Variants in ECT2L observed in about 807,000 individuals in gnomAD.
ECT2L encodes epithelial cell-transforming sequence 2 oncogene-like.
Under a neutral mutation model 122.8 loss-of-function variants are expected in ECT2L, and 126 were observed. The observed-to-expected ratio is 1.03, with a 90% confidence interval of 0.89 to 1.19. The LOEUF (loss-of-function observed/expected upper bound fraction) is 1.19. Ranked by LOEUF, ECT2L falls within the 50% of genes most tolerant of loss-of-function variation. The pLI is 0.00. For missense variants in ECT2L, 1,012 were observed against 1,064.1 expected, an observed-to-expected ratio of 0.95 and a Z score of 0.68; for synonymous variants, 385 against 381.8, an observed-to-expected ratio of 1.01 and a Z score of -0.10.
At chr6:138,810,321 T>A (rs748538210) in intron 1 of ECT2L, among the ~76,000 whole-genome samples, 2 of 151,890 alleles carry the variant, frequency 1.3e-5, no homozygotes, top group Non-Finnish European at 2.9e-5. Context: ...CAAGGACCAG[T>A]CAAAAGTATG....
intron 20 of ECT2L, among the ~76,000 whole-genome samples, chr6:138,898,929 T>C (rs1416126040): frequency 6.6e-6 from 1 of 152,032 alleles, no homozygotes; most frequent in Admixed American, 6.6e-5. Context: ...CCATAAGAGA[T>C]TAACAATATT....
At chr6:138,819,455 C>A (rs113227912) in intron 4 of ECT2L, among the ~76,000 whole-genome samples, 1 of 152,074 alleles carries the variant, frequency 6.6e-6, no homozygotes, top group African/African-American at 2.4e-5. Flanking sequence ...CACCACCTGA[C>A]ACTATGTGAC....
intron 16 of ECT2L, among the ~76,000 whole-genome samples, chr6:138,885,137 T>C (rs1482762308): frequency 1.3e-5 from 2 of 151,464 alleles, no homozygotes; most frequent in African/African-American, 4.9e-5. Flanking sequence ...CATGCCATTC[T>C]TCTGCCTCAG....
At chr6:138,839,569 G>T (rs1198965414) in intron 5 of ECT2L, among the ~76,000 whole-genome samples, 1 of 151,954 alleles carries the variant, frequency 6.6e-6, no homozygotes, top group African/African-American at 2.4e-5. Flanking sequence ...TCGCCATGTT[G>T]GCCAGGCTGG....
chr6:138,897,956 T>C (rs1779271529), intron 20 of ECT2L, among the ~76,000 whole-genome samples: 2 of 152,236 alleles, frequency 1.3e-5, no homozygotes, highest in South Asian at 4.1e-4. Flanking sequence ...AAGCACTCTG[T>C]TGGCATATTT....
intron 13 of ECT2L, among the ~76,000 whole-genome samples, chr6:138,871,937 C>T (rs1778270935): frequency 6.6e-6 from 1 of 152,092 alleles, no homozygotes; most frequent in Non-Finnish European, 1.5e-5. Flanking sequence ...TCTTCCCAAA[C>T]ACAAGCAACT....
At chr6:138,814,688 TG>T (rs970221856) in intron 4 of ECT2L, 85 bp downstream of exon 4, 4 of 824,936 alleles carry the variant, frequency 4.8e-6, no homozygotes, top group African/African-American at 3.4e-5. Context: ...AGAGATTTTT[TG>T]TTCCTAGGGA....
At chr6:138,889,930 C>T (rs1037911687) in intron 20 of ECT2L, among the ~76,000 whole-genome samples, 115 of 152,250 alleles carry the variant, frequency 7.6e-4, no homozygotes, top group African/African-American at 2.7e-3. Flanking sequence ...GGCAACTACC[C>T]AACTTTGCTA....
chr6:138,895,227 C>T (rs1269995638), intron 20 of ECT2L, among the ~76,000 whole-genome samples: 1 of 152,122 alleles, frequency 6.6e-6, no homozygotes, highest in Non-Finnish European at 1.5e-5. Flanking sequence ...ATGATTTCTA[C>T]CAGGAATTTT....
At position 138,847,537 on chromosome 6, in the gene ECT2L, A is replaced by ATT. The variant is rs777070599; in HGVS notation, c.903+881_903+882dup. On this transcript the variant is annotated intron_variant, in intron 8 of 21. Coordinates refer to ENST00000541398, the MANE Select transcript of ECT2L (RefSeq NM_001077706.3). The stretch of plus-strand genomic sequence containing the variant: ...AGGCGCCCGCCACCATGCCCGGCTA[A>ATT]TTTTTTTTTTTTTTTTTTTTTTAGT... Among the ~76,000 whole-genome samples the ATT allele has an allele frequency of 5.1e-3, 631 of 123,784 alleles. 4 individuals carry two copies. The highest frequency in any genetic ancestry group is 0.018 in the African/African-American group (596 of 32,772). The allele number at this position is 123,784 out of a possible 152,430, so 81.2% of individuals were successfully genotyped here. A position where few individuals can be genotyped will look rare whatever the true frequency, so the allele number is the denominator to read the frequency against.
chr6:138,818,777 A>G (rs1408724008), intron 4 of ECT2L, among the ~76,000 whole-genome samples: 3 of 152,044 alleles, frequency 2.0e-5, no homozygotes, highest in Non-Finnish European at 2.9e-5. Context: ...ATCTGAATAC[A>G]CTGACCCAAC....
chr6:138,867,426 A>G (rs150081939), intron 12 of ECT2L, among the ~76,000 whole-genome samples: 129 of 152,026 alleles, frequency 8.5e-4, no homozygotes, highest in African/African-American at 2.5e-3. Flanking sequence ...TGTAGTCCCA[A>G]TGCTTTGGGA....
chr6:138,873,892 G>GTGTGTGTGTA (rs1554276992), intron 13 of ECT2L, among the ~76,000 whole-genome samples: 11 of 134,964 alleles, frequency 8.2e-5, no homozygotes, highest in African/African-American at 2.7e-4. Context: ...GTGTGTGTGT[G>GTGTGTGTGTA]TGTGTGTGTG....
chr6:138,866,982 G>A (rs533143805), intron 12 of ECT2L, among the ~76,000 whole-genome samples: 14 of 152,086 alleles, frequency 9.2e-5, no homozygotes, highest in Non-Finnish European at 1.8e-4. Context: ...GCTGAGGCAC[G>A]AGAACTGCTT....
Position 138,881,141 on chromosome 6 carries a change from G to A in ECT2L, c.1850G>A (p.Cys617Tyr). 1.9e-6 allele frequency: 3 copies of A among 1,614,078 alleles called. No homozygotes were observed. The highest frequency in any genetic ancestry group is 1.3e-5 in the African/African-American group (1 of 75,050). ...LSAANIQIIF[C>Y]DILQILSLNR... Reference sequence around the variant, plus strand: ...GCTGCCAATATCCAGATCATTTTCTGTGACATTCTACAGATTTTAAGTCTC... The same window carrying A: ...GCTGCCAATATCCAGATCATTTTCTATGACATTCTACAGATTTTAAGTCTC... The change falls in exon 15 of 22, where the codon TGT becomes TAT. Residue 617 changes from cysteine to tyrosine, a missense_variant. Coordinates refer to ENST00000541398, the MANE Select transcript of ECT2L (RefSeq NM_001077706.3).
At chr6:138,869,014 A>C (rs944380304) in intron 13 of ECT2L, among the ~76,000 whole-genome samples, 1 of 152,162 alleles carries the variant, frequency 6.6e-6, no homozygotes, top group Admixed American at 6.5e-5. Context: ...TAAAAATACA[A>C]AAACTAGCCG....
chr6:138,854,165 A>G lies in ECT2L; in HGVS notation c.1198+11A>G. Reference sequence around the variant, plus strand: ...CCCTTGGAGCATCAGGTTAGCTCAGAACACCTTATAGAGAGACAGTGGCCA... The same window carrying G: ...CCCTTGGAGCATCAGGTTAGCTCAGGACACCTTATAGAGAGACAGTGGCCA... On this transcript the variant is annotated intron_variant, in intron 10 of 21. Coordinates refer to ENST00000541398, the MANE Select transcript of ECT2L (RefSeq NM_001077706.3). 6.2e-7 allele frequency: 1 copy of G among 1,610,076 alleles called. No individual in the cohort carries two copies. The highest frequency in any genetic ancestry group is 8.5e-7 in the Non-Finnish European group (1 of 1,178,518).
chr6:138,825,578 G>A (rs535466782), intron 4 of ECT2L, among the ~76,000 whole-genome samples: 30 of 151,940 alleles, frequency 2.0e-4, no homozygotes, highest in Middle Eastern at 6.8e-3. Flanking sequence ...GCAGGACTCC[G>A]TCTAAAAAAA....
rs76411901 is a variant in ECT2L at position 138,893,868 on chromosome 6, A to T, written c.2414+4837A>T. ...CTAGTAATTAAGCCAATACCCTTCA[A>T]GCATCCCTACTCCATGCAGGCAATT... is the stretch of plus-strand genomic sequence containing the variant. On this transcript the variant is annotated intron_variant, in intron 20 of 21. Transcript: ENST00000541398. 6.7e-3 allele frequency among the ~76,000 whole-genome samples: 1,019 copies of T among 152,270 alleles called. 72 individuals carry two copies. The East Asian group carries it at 0.17, about 25-fold the overall frequency.
Sources: gnomAD v4.1 joint callset for allele counts (sites outside exome capture counted in the v4.1 genomes callset) on GRCh38, gnomAD v4.1.1 for gene constraint, MANE v1.5 for transcripts, NCBI Gene and HGNC (gene_info 2026-07-23, HGNC 2026-07-21) for gene names.